Variants in SGCD observed in about 807,000 individuals in gnomAD.
SGCD encodes the protein delta-sarcoglycan.
SGCD carries 18 observed loss-of-function variants against 36.6 expected under a neutral mutation model. That is an observed-to-expected ratio of 0.49 (90% CI 0.34 to 0.73). The LOEUF (loss-of-function observed/expected upper bound fraction) is 0.73, where lower values mean the gene tolerates loss of function less well. Ranked by LOEUF, SGCD falls within the 30% of genes least tolerant of loss-of-function variation. The probability of loss-of-function intolerance (pLI) is 0.01; values close to 1 mark genes in which losing one functional copy is unlikely to be tolerated. For missense variants in SGCD, 387 were observed against 346.7 expected, an observed-to-expected ratio of 1.12 and a Z score of -0.92; for synonymous variants, 133 against 130.6, an observed-to-expected ratio of 1.02 and a Z score of -0.12.
the SGCD span, among the ~76,000 whole-genome samples, chr5:155,833,060 A>G: frequency 7.5e-6 from 1 of 133,188 alleles, no homozygotes; most frequent in Non-Finnish European, 1.6e-5. Context: ...ATACGAAAAA[A>G]AAAAAAAAAA....
intron 2 of SGCD, among the ~76,000 whole-genome samples, chr5:156,341,042 GTATT>G (rs1347826874): frequency 6.6e-6 from 1 of 152,170 alleles, no homozygotes; most frequent in Non-Finnish European, 1.5e-5. Flanking sequence ...GGAGACTGGA[GTATT>G]CTGTTTCATG....
intron 3 of SGCD, among the ~76,000 whole-genome samples, chr5:156,247,611 TA>T (rs1303871249): frequency 3.9e-5 from 6 of 152,150 alleles, no homozygotes; most frequent in Non-Finnish European, 7.4e-5. Context: ...GATCAGCTGT[TA>T]TAGAGAAAGA....
At chr5:156,434,211 C>CTG (rs994892738) in intron 3 of SGCD, among the ~76,000 whole-genome samples, 1 of 152,156 alleles carries the variant, frequency 6.6e-6, no homozygotes, top group Non-Finnish European at 1.5e-5. Context: ...CTTCTGAATG[C>CTG]TGTGTGTGTG....
chr5:155,993,566 A>G (rs1448385927), intron 1 of SGCD, among the ~76,000 whole-genome samples: 1 of 152,026 alleles, frequency 6.6e-6, no homozygotes, highest in Admixed American at 6.6e-5. Flanking sequence ...ACTGGTCTCG[A>G]ACTCCTGGCC....
intron 3 of SGCD, among the ~76,000 whole-genome samples, chr5:156,182,671 G>A (rs1420269697): frequency 6.6e-6 from 1 of 152,158 alleles, no homozygotes; most frequent in African/African-American, 2.4e-5. Context: ...TTAATGACTG[G>A]TAGAATTATT....
intron 1 of SGCD, among the ~76,000 whole-genome samples, chr5:156,078,532 T>G (rs1760856448): frequency 7.0e-6 from 1 of 143,510 alleles, no homozygotes; most frequent in Non-Finnish European, 1.5e-5. Context: ...TATATATATA[T>G]ATATATTTAT....
At chr5:155,894,498 G>A (rs1278424331) in intron 1 of SGCD, among the ~76,000 whole-genome samples, 1 of 152,134 alleles carries the variant, frequency 6.6e-6, no homozygotes, top group East Asian at 1.9e-4. Flanking sequence ...GTAATGGTCT[G>A]TGGCCTATTA....
intron 3 of SGCD, among the ~76,000 whole-genome samples, chr5:156,371,599 C>T (rs923561161): frequency 2.0e-5 from 3 of 152,216 alleles, no homozygotes; most frequent in African/African-American, 4.8e-5. Flanking sequence ...GAAGTAAGCC[C>T]GGAATCAAAA....
intron 1 of SGCD, among the ~76,000 whole-genome samples, chr5:155,965,776 C>T (rs540775456): frequency 3.3e-5 from 5 of 152,170 alleles, no homozygotes; most frequent in Admixed American, 1.3e-4. Context: ...TCAATAAATA[C>T]GAAGGGCTCT....
chr5:156,041,471 T>C (rs1759632424), intron 1 of SGCD, among the ~76,000 whole-genome samples: 3 of 152,086 alleles, frequency 2.0e-5, no homozygotes, highest in South Asian at 4.1e-4. Flanking sequence ...AGAAGAGAGA[T>C]GGTGGAGAGG....
intron 3 of SGCD, among the ~76,000 whole-genome samples, chr5:156,131,884 A>G (rs1000781233): frequency 2.6e-5 from 4 of 152,300 alleles, no homozygotes; most frequent in Admixed American, 2.6e-4. Flanking sequence ...GCACCTCCAC[A>G]ATTTGTATTA....
chr5:155,949,073 A>G (rs1291925816), intron 1 of SGCD, among the ~76,000 whole-genome samples: 3 of 151,922 alleles, frequency 2.0e-5, no homozygotes, highest in Non-Finnish European at 2.9e-5. Flanking sequence ...GAAACAAAAC[A>G]CTCCTTCTTC....
chr5:156,315,509 C>T (rs1767494576), intron 3 of SGCD, among the ~76,000 whole-genome samples: 1 of 151,872 alleles, frequency 6.6e-6, no homozygotes, highest in African/African-American at 2.4e-5. Context: ...ATGAATAATG[C>T]TGCAAAGAAC....
intron 3 of SGCD, among the ~76,000 whole-genome samples, chr5:156,361,133 C>T (rs1769768810): frequency 6.6e-6 from 1 of 152,210 alleles, no homozygotes; most frequent in Admixed American, 6.5e-5. Flanking sequence ...CCTGCTGGAG[C>T]CTGGAGCGCC....
At chr5:156,501,867 G>A (rs1485098223) in intron 3 of SGCD, among the ~76,000 whole-genome samples, 1 of 152,098 alleles carries the variant, frequency 6.6e-6, no homozygotes, top group Non-Finnish European at 1.5e-5. Flanking sequence ...ACAGACTTCA[G>A]GATCATCACT....
intron 3 of SGCD, among the ~76,000 whole-genome samples, chr5:156,130,730 T>C (rs1246196775): frequency 2.0e-5 from 3 of 151,178 alleles, no homozygotes; most frequent in Non-Finnish European, 4.4e-5. Flanking sequence ...CTTTCTTTCT[T>C]TTTTTTTTCT....
intron 4 of SGCD, among the ~76,000 whole-genome samples, chr5:156,562,381 G>A (rs1368751729): frequency 1.3e-5 from 2 of 152,072 alleles, no homozygotes; most frequent in Non-Finnish European, 2.9e-5. Context: ...AACAAAATGA[G>A]GGTATTTCCT....
In SGCD at chr5:156,186,228, C is replaced by G. The variant is rs550278270; in HGVS notation, c.-44+62209C>G. Reference sequence around the variant, plus strand: ...ACATTCTGGTGCAAAGTGAAGGTAACATATTAATATAAACATGGGGTGACT... The same window carrying G: ...ACATTCTGGTGCAAAGTGAAGGTAAGATATTAATATAAACATGGGGTGACT... On this transcript the variant is annotated intron_variant, in intron 3 of 9. Transcript: ENST00000517913. Among the ~76,000 whole-genome samples, 122 of 152,110 alleles carry G rather than the reference C, an allele frequency of 8.0e-4. 1 individual carries two copies. The highest frequency in any genetic ancestry group is 2.8e-3 in the African/African-American group (118 of 41,504).
chr5:156,687,041 C>G (rs1028206105), intron 7 of SGCD, among the ~76,000 whole-genome samples: 2 of 152,150 alleles, frequency 1.3e-5, no homozygotes, highest in African/African-American at 4.8e-5. Flanking sequence ...ATCAGCAGCT[C>G]CAGATATGCT....
Sources: allele counts gnomAD v4.1 joint callset (sites outside exome capture counted in the v4.1 genomes callset), GRCh38; gene constraint gnomAD v4.1.1; transcripts MANE v1.5; gene names NCBI Gene and HGNC (gene_info 2026-07-23, HGNC 2026-07-21).